Variants in TDRD1 observed in about 807,000 individuals in gnomAD.
The protein encoded by TDRD1 is tudor domain containing 1, also known as tudor domain-containing protein 1.
In TDRD1, 37 loss-of-function variants were observed where a neutral mutation model predicts 140.6. The observed-to-expected ratio is 0.26, with a 90% CI of 0.20 to 0.35. The LOEUF is 0.35. TDRD1 is among the 10% of genes least tolerant of loss of function. TDRD1 has a pLI of 1.00. For missense variants in TDRD1, 1,243 were observed against 1,393.0 expected, an observed-to-expected ratio of 0.89 and a Z score of 1.71; for synonymous variants, 506 against 475.7, an observed-to-expected ratio of 1.06 and a Z score of -0.83.
chr10:114,187,134 A>T (rs1205682202), intron 1 of TDRD1, among the ~76,000 whole-genome samples: 1 of 152,248 alleles, frequency 6.6e-6, no homozygotes, highest in Non-Finnish European at 1.5e-5. Context: ...ACACTTTGTG[A>T]CAAATTAAAC....
intron 23 of TDRD1, 133 bp downstream of exon 23, chr10:114,227,432 G>T (rs932399700): frequency 2.8e-6 from 2 of 711,148 alleles, no homozygotes; most frequent in Non-Finnish European, 4.8e-6. Flanking sequence ...CAGTGGCAGG[G>T]TTCTGATTCC....
chr10:114,215,881 T>A (rs1350392483), intron 16 of TDRD1, among the ~76,000 whole-genome samples: 1 of 152,214 alleles, frequency 6.6e-6, no homozygotes, highest in East Asian at 1.9e-4. Flanking sequence ...AAATATTTTT[T>A]CAGAGATACT....
intron 21 of TDRD1, among the ~76,000 whole-genome samples, chr10:114,223,100 A>T (rs1285686877): frequency 6.6e-6 from 1 of 152,172 alleles, no homozygotes; most frequent in Non-Finnish European, 1.5e-5. Context: ...GTATACTTTG[A>T]TCCTTCTCCG....
chr10:114,215,900 AT>A (rs2035787584), intron 16 of TDRD1, among the ~76,000 whole-genome samples: 1 of 152,186 alleles, frequency 6.6e-6, no homozygotes, highest in Non-Finnish European at 1.5e-5. Flanking sequence ...CTCTATACAT[AT>A]GCTTGTATGA....
At chr10:114,223,175 G>A (rs1438132106) in intron 21 of TDRD1, among the ~76,000 whole-genome samples, 1 of 152,198 alleles carries the variant, frequency 6.6e-6, no homozygotes, top group Non-Finnish European at 1.5e-5. Flanking sequence ...TTGCTTCTGG[G>A]ATCAAGGTTA....
At chr10:114,228,645 C>T in intron 25 of TDRD1, 1 of 985,434 alleles carries the variant, frequency 1.0e-6, no homozygotes, top group Non-Finnish European at 1.2e-6. Context: ...CTGCTTTTGG[C>T]TGTGGTGATT....
At chr10:114,227,254 C>T in exon 23 of TDRD1, 1 of 1,614,066 alleles carries the variant, frequency 6.2e-7, no homozygotes, top group Non-Finnish European at 8.5e-7. Flanking sequence ...GACATTTGGT[C>T]TGGCAAAAAA....
At chr10:114,203,626 T>C in intron 8 of TDRD1, 59 bp downstream of exon 8, 1 of 1,448,740 alleles carries the variant, frequency 6.9e-7, no homozygotes, top group Non-Finnish European at 9.4e-7. Context: ...TCGTATGAAC[T>C]GAACACCAGA....
chr10:114,199,197 G>A, exon 4 of TDRD1: 1 of 1,613,284 alleles, frequency 6.2e-7, no homozygotes, highest in Non-Finnish European at 8.5e-7. Flanking sequence ...TGTACGTCCT[G>A]CAAAATCAAA....
intron 5 of TDRD1, 91 bp from the exon 6 acceptor site, chr10:114,202,147 T>C: frequency 1.0e-6 from 1 of 980,632 alleles, no homozygotes; most frequent in Non-Finnish European, 1.5e-6. Context: ...TTTCAGGATT[T>C]TGTTCATTGA....
At chr10:114,228,115 A>C in exon 25 of TDRD1, 1 of 1,592,396 alleles carries the variant, frequency 6.3e-7, no homozygotes, top group South Asian at 1.1e-5. Context: ...AAATGAAAAA[A>C]CTGTTAAAAA....
intron 2 of TDRD1, among the ~76,000 whole-genome samples, chr10:114,189,652 C>T (rs1215373942): frequency 6.6e-6 from 1 of 152,170 alleles, no homozygotes; most frequent in Non-Finnish European, 1.5e-5. Context: ...AGTGCAATGG[C>T]ACAATCATGG....
At chr10:114,218,089 T>A (rs1333116764) in intron 17 of TDRD1, among the ~76,000 whole-genome samples, 1 of 152,218 alleles carries the variant, frequency 6.6e-6, no homozygotes, top group Non-Finnish European at 1.5e-5. Flanking sequence ...ACCAAGAGTA[T>A]TATACATCTC....
chr10:114,189,525 C>T (rs940364782), intron 2 of TDRD1, among the ~76,000 whole-genome samples: 35 of 152,114 alleles, frequency 2.3e-4, no homozygotes, highest in African/African-American at 8.4e-4. Context: ...TTGTGTCTGC[C>T]ACTTTGAGCT....
In TDRD1 at chr10:114,181,139, C is replaced by A. The variant is rs999360953; in HGVS notation, c.-7+1723C>A. 3.0e-4 allele frequency among the ~76,000 whole-genome samples: 46 copies of A among 152,170 alleles called. 2 individuals carry two copies. Among genetic ancestry groups the A allele is most frequent in the Non-Finnish European group, 1.5e-5 (1 of 68,040 alleles). On this transcript the variant is annotated intron_variant, in intron 1 of 25. Transcript: ENST00000251864. ...CTATAGAAATGAGTCACTTTCAGTC[C>A]ACTACTCTTCTAGTACATCAGTGAT...
chr10:114,212,159 T>A, intron 14 of TDRD1, 123 bp downstream of exon 14: 1 of 840,974 alleles, frequency 1.2e-6, no homozygotes, highest in Non-Finnish European at 1.7e-6. Context: ...GCTTAAAAGT[T>A]ACTATAAATG....
upstream of TDRD1, among the ~76,000 whole-genome samples, chr10:114,178,754 G>C (rs759037698): frequency 1.3e-5 from 2 of 151,692 alleles, no homozygotes; most frequent in African/African-American, 2.4e-5. Context: ...AACATTGCCC[G>C]AAGAGTGCCT....
chr10:114,224,807 C>T (rs2036341191), intron 21 of TDRD1, among the ~76,000 whole-genome samples: 1 of 152,096 alleles, frequency 6.6e-6, no homozygotes, highest in African/African-American at 2.4e-5. Context: ...GGTTTTCTGC[C>T]TTGGTTTCCC....
chr10:114,220,811 A>G (rs750770611), exon 19 of TDRD1: 4 of 1,612,178 alleles, frequency 2.5e-6, no homozygotes, highest in South Asian at 2.2e-5. Context: ...GTTAATAAAC[A>G]TGAGCTTCAA....
Sources: gnomAD v4.1 joint callset for allele counts (sites outside exome capture counted in the v4.1 genomes callset) on GRCh38, gnomAD v4.1.1 for gene constraint, MANE v1.5 for transcripts, NCBI Gene and HGNC (gene_info 2026-07-23, HGNC 2026-07-21) for gene names.